PCSK6: variants seen among roughly 807,000 people sequenced by gnomAD.
The protein encoded by PCSK6 is proprotein convertase subtilisin/kexin type 6, also known as paired basic amino acid cleaving enzyme 4.
Under a neutral mutation model 123.3 loss-of-function variants are expected in PCSK6, and 85 were observed. That is an observed-to-expected ratio of 0.69 (90% CI 0.58 to 0.83). The LOEUF is 0.83. Ranked by LOEUF, PCSK6 falls within the 40% of genes least tolerant of loss-of-function variation. The pLI is 0.00. For synonymous variants in PCSK6, 508 were observed against 516.0 expected (o/e 0.98, Z 0.21); for missense variants, 1,191 against 1,282.3 (o/e 0.93, Z 1.09).
chr15:101,423,594 A>G (rs1023353494), intron 6 of PCSK6, among the ~76,000 whole-genome samples: 3 of 152,172 alleles, frequency 2.0e-5, no homozygotes, highest in Admixed American at 6.5e-5. Flanking sequence ...GACTGAACAC[A>G]ACAAAAGGAA....
intron 13 of PCSK6, among the ~76,000 whole-genome samples, chr15:101,357,385 G>A (rs1478278495): frequency 6.6e-6 from 1 of 152,234 alleles, no homozygotes; most frequent in African/African-American, 2.4e-5. Context: ...TGACGATGCT[G>A]ACCAGACCTG....
intron 4 of PCSK6, among the ~76,000 whole-genome samples, chr15:101,430,771 A>G (rs540864959): frequency 1.3e-5 from 2 of 152,338 alleles, no homozygotes; most frequent in African/African-American, 4.8e-5. Context: ...TCTTGCATCT[A>G]TGATATTTAC....
intron 11 of PCSK6, among the ~76,000 whole-genome samples, chr15:101,376,493 G>A (rs544820799): frequency 5.9e-5 from 9 of 152,190 alleles, no homozygotes; most frequent in Admixed American, 3.9e-4. Context: ...CATAAAGCTC[G>A]GTCTATATGG....
chr15:101,354,575 A>G (rs1338715880), intron 13 of PCSK6, among the ~76,000 whole-genome samples: 2 of 152,276 alleles, frequency 1.3e-5, no homozygotes, highest in East Asian at 1.9e-4. Context: ...CGTTAAATTT[A>G]CTTGTGCCAT....
intron 6 of PCSK6, among the ~76,000 whole-genome samples, chr15:101,425,520 T>C (rs1192531629): frequency 6.6e-6 from 1 of 152,226 alleles, no homozygotes; most frequent in Admixed American, 6.5e-5. Context: ...ATATCCTAAC[T>C]TATCCCAGTC....
chr15:101,366,360 T>C lies in PCSK6; in HGVS notation c.1722-28A>G, dbSNP rs56002324. The C allele has an allele frequency of 1.6e-3, 2,501 of 1,605,202 alleles. 41 individuals are homozygous for C. In the African/African-American group the frequency reaches 0.03, roughly 19 times the overall value. On this transcript the variant is annotated intron_variant, in intron 12 of 21. Coordinates refer to ENST00000611716, the MANE Select transcript of PCSK6 (RefSeq NM_002570.5). ...GCAATTGGAGGTGTGGTGTCAGAAATGAAGGTGCTGGTACTGAGTGGCTGG... is the reference window on the plus strand; with the variant it reads ...GCAATTGGAGGTGTGGTGTCAGAAACGAAGGTGCTGGTACTGAGTGGCTGG...
At position 101,312,992 on chromosome 15, in the gene PCSK6, G is replaced by A. The variant is rs893071026; in HGVS notation, c.2699+384C>T. 4.3e-6 allele frequency: 5 copies of A among 1,158,450 alleles called. No individual in the cohort carries two copies. The South Asian group carries it at 5.4e-5, about 12-fold the overall frequency. The allele number at this position is 1,158,450 out of a possible 1,614,324, so 71.8% of individuals were successfully genotyped here. On this transcript the variant is annotated intron_variant, in intron 20 of 21. Transcript: ENST00000611716. ...TGCACTCCAGCCTGGGCGACAGAGT[G>A]AGAGTGTGTCTCCAAAAAAATTTTT...
chr15:101,384,267 C>T (rs778585668), intron 10 of PCSK6, 55 bp downstream of exon 10: 2 of 1,587,476 alleles, frequency 1.3e-6, no homozygotes, highest in African/African-American at 1.3e-5. Context: ...TCATGACACC[C>T]CTTCCTACAC....
chr15:101,322,531 T>C lies in PCSK6; in HGVS notation c.2454A>G (p.Lys818=). Reference sequence around the variant, plus strand: ...CGAGGGGGTTTTACCTGAATCCTTCTTTACAGACAGTACATTTCTCAGGTT... The same window carrying C: ...CGAGGGGGTTTTACCTGAATCCTTCCTTACAGACAGTACATTTCTCAGGTT... The part of the protein sequence containing the change: ...VDEPEKCTVC[K]EGFSLARGSC... Residue 818 remains lysine (K), a synonymous_variant, in exon 18 of 22, where the codon AAA becomes AAG. Transcript: ENST00000611716. 6.2e-7 allele frequency: 1 copy of C among 1,613,016 alleles called. No homozygotes were observed. Among genetic ancestry groups the C allele is most frequent in the Middle Eastern group, 1.7e-4 (1 of 6,060 alleles).
At chr15:101,384,820 A>C (rs992307060) in intron 9 of PCSK6, among the ~76,000 whole-genome samples, 5 of 152,246 alleles carry the variant, frequency 3.3e-5, no homozygotes. Context: ...AGTACATTCA[A>C]ACCACGATTG....
intron 6 of PCSK6, among the ~76,000 whole-genome samples, chr15:101,405,989 C>A (rs1054739177): frequency 6.6e-6 from 1 of 152,200 alleles, no homozygotes; most frequent in Non-Finnish European, 1.5e-5. Context: ...GTGATCTGCC[C>A]ACCTCGGCCT....
At chr15:101,323,285 T>C (rs2141355919) in intron 17 of PCSK6, among the ~76,000 whole-genome samples, 1 of 152,214 alleles carries the variant, frequency 6.6e-6, no homozygotes, top group African/African-American at 2.4e-5. Flanking sequence ...TGAGTGAGGA[T>C]GTCGGGGTGA....
intron 12 of PCSK6, among the ~76,000 whole-genome samples, chr15:101,369,994 C>T (rs117314625): frequency 1.3e-5 from 2 of 152,196 alleles, no homozygotes; most frequent in African/African-American, 4.8e-5. Context: ...GATTAAATGA[C>T]CTTTAATGCA....
chr15:101,489,171 C>G (rs1169467340), intron 1 of PCSK6, among the ~76,000 whole-genome samples: 7 of 127,044 alleles, frequency 5.5e-5, no homozygotes, highest in African/African-American at 1.5e-4. Flanking sequence ...CCCCCCACCC[C>G]GCCGAGTGTC....
intron 2 of PCSK6, among the ~76,000 whole-genome samples, chr15:101,433,988 C>T (rs971457219): frequency 6.6e-6 from 1 of 152,152 alleles, no homozygotes; most frequent in African/African-American, 2.4e-5. Flanking sequence ...TTTCACGTCA[C>T]ACACTTAAAA....
At chr15:101,434,418 C>A (rs1046848969) in intron 2 of PCSK6, among the ~76,000 whole-genome samples, 2 of 152,206 alleles carry the variant, frequency 1.3e-5, no homozygotes, top group Non-Finnish European at 2.9e-5. Context: ...GGGTGACACC[C>A]CACTAATCAG....
At chr15:101,485,597 C>G (rs139410327) in intron 1 of PCSK6, among the ~76,000 whole-genome samples, 168 of 152,292 alleles carry the variant, frequency 1.1e-3, no homozygotes, top group African/African-American at 3.8e-3. Flanking sequence ...AATTGTTTTT[C>G]CATGGGGAGA....
At chr15:101,395,264 C>G (rs2042373893) in intron 7 of PCSK6, among the ~76,000 whole-genome samples, 1 of 152,126 alleles carries the variant, frequency 6.6e-6, no homozygotes, top group Admixed American at 6.5e-5. Flanking sequence ...ATGTGCACAC[C>G]CTGGAGTCAC....
chr15:101,344,940 TA>T (rs66532138), intron 13 of PCSK6, among the ~76,000 whole-genome samples: 1 of 152,176 alleles, frequency 6.6e-6, no homozygotes, highest in African/African-American at 2.4e-5. Context: ...ATACATTTTT[TA>T]AAAAAATCCA....
Sources: gnomAD v4.1 joint callset for allele counts (sites outside exome capture counted in the v4.1 genomes callset) on GRCh38, gnomAD v4.1.1 for gene constraint, MANE v1.5 for transcripts, NCBI Gene and HGNC (gene_info 2026-07-23, HGNC 2026-07-21) for gene names.